Variants in GALNT2 observed in about 807,000 individuals in gnomAD.
GALNT2 encodes the protein UDP-GalNAc:polypeptide N-acetylgalactosaminyltransferase 2.
A neutral mutation model predicts 81.4 loss-of-function variants in GALNT2; 31 were observed. The ratio of observed to expected loss-of-function variants is 0.38; its 90% CI spans 0.29 to 0.51. The LOEUF (loss-of-function observed/expected upper bound fraction) is 0.51, where lower values mean the gene tolerates loss of function less well. GALNT2 is among the 20% of genes least tolerant of loss of function. The pLI is 0.87. For missense variants in GALNT2, 629 were observed against 765.7 expected, an observed-to-expected ratio of 0.82 and a Z score of 2.11; for synonymous variants, 303 against 287.4, an observed-to-expected ratio of 1.05 and a Z score of -0.55.
At chr1:230,106,308 A>C (rs1331542479) in intron 1 of GALNT2, among the ~76,000 whole-genome samples, 3 of 152,190 alleles carry the variant, frequency 2.0e-5, no homozygotes, top group Non-Finnish European at 4.4e-5. Flanking sequence ...AGAATCTGAG[A>C]AACGATACTG....
At chr1:230,128,822 A>T (rs948822262) in intron 1 of GALNT2, among the ~76,000 whole-genome samples, 4 of 152,152 alleles carry the variant, frequency 2.6e-5, no homozygotes, top group African/African-American at 9.6e-5. Flanking sequence ...CCATCTTCCT[A>T]TATGTGGGGT....
At chr1:230,134,474 T>A (rs1293071143) in intron 1 of GALNT2, among the ~76,000 whole-genome samples, 3 of 152,180 alleles carry the variant, frequency 2.0e-5, no homozygotes, top group Admixed American at 2.0e-4. Flanking sequence ...CCTAACCAGT[T>A]GTTCAGGTGA....
chr1:230,205,169 A>G (rs1664022259), intron 3 of GALNT2, among the ~76,000 whole-genome samples: 2 of 152,194 alleles, frequency 1.3e-5, no homozygotes, highest in Non-Finnish European at 2.9e-5. Flanking sequence ...CTACATTCAC[A>G]CACACTGCAT....
chr1:230,249,464 A>G (rs1474072419), intron 9 of GALNT2, among the ~76,000 whole-genome samples, 193 bp downstream of exon 9: 2 of 152,248 alleles, frequency 1.3e-5, no homozygotes, highest in Admixed American at 1.3e-4. Flanking sequence ...TTTCTTTTCC[A>G]CAGTTGAAGT....
At chr1:230,154,953 GC>G (rs1662201243) in intron 1 of GALNT2, among the ~76,000 whole-genome samples, 1 of 152,150 alleles carries the variant, frequency 6.6e-6, no homozygotes, top group South Asian at 2.1e-4. Flanking sequence ...GACATCCAAG[GC>G]CCCTTGCAGT....
chr1:230,232,584 GGTCTGCTC>G (rs1664898550), intron 3 of GALNT2, among the ~76,000 whole-genome samples: 1 of 152,124 alleles, frequency 6.6e-6, no homozygotes, highest in South Asian at 2.1e-4. Flanking sequence ...ATTCAACCTA[GGTCTGCTC>G]GTCTCAGCAA....
intron 2 of GALNT2, among the ~76,000 whole-genome samples, chr1:230,200,156 A>G (rs1467830311): frequency 1.4e-5 from 2 of 143,364 alleles, no homozygotes; most frequent in Non-Finnish European, 3.0e-5. Flanking sequence ...TCCGCCTCCC[A>G]GGTTCAAACG....
At chr1:230,183,409 C>A (rs759022208) in intron 2 of GALNT2, among the ~76,000 whole-genome samples, 3 of 151,988 alleles carry the variant, frequency 2.0e-5, no homozygotes, top group Non-Finnish European at 4.4e-5. Context: ...TCTGTATGAT[C>A]CCATTTTCTC....
Position 230,091,018 on chromosome 1 carries a change from A to T in GALNT2, c.126+23612A>T, listed in dbSNP as rs140758906. 2.4e-4 allele frequency among the ~76,000 whole-genome samples: 36 copies of T among 152,208 alleles called. No homozygotes were observed. The East Asian group carries it at 6.8e-3, about 29-fold the overall frequency. ...GATGAGAACTGTGCCTCGCTGAGAA[A>T]GCCAGCACTCCTGGGGTGTGTGTAC... On this transcript the variant is annotated intron_variant, in intron 1 of 15. Transcript: ENST00000366672.
chr1:230,156,483 A>C lies in GALNT2; in HGVS notation c.127-21735A>C, dbSNP rs550104008. On this transcript the variant is annotated intron_variant, in intron 1 of 15. Coordinates refer to ENST00000366672, the MANE Select transcript of GALNT2 (RefSeq NM_004481.5). Reference sequence around the variant, plus strand: ...AAGAGACTCCTTTTTGCGTTTCTTTACCTTCAACGTTCGTTTCCTAAAATT... The same window carrying C: ...AAGAGACTCCTTTTTGCGTTTCTTTCCCTTCAACGTTCGTTTCCTAAAATT... 6.6e-5 allele frequency among the ~76,000 whole-genome samples: 10 copies of C among 152,082 alleles called. No homozygotes were observed. The South Asian group carries it at 2.1e-3, about 32-fold the overall frequency.
intron 1 of GALNT2, among the ~76,000 whole-genome samples, chr1:230,153,654 A>G (rs1400288162): frequency 1.3e-5 from 2 of 152,210 alleles, no homozygotes; most frequent in Non-Finnish European, 2.9e-5. Context: ...CACGCCCCTG[A>G]GTTCTTTTCA....
intron 1 of GALNT2, among the ~76,000 whole-genome samples, chr1:230,139,849 AAAT>A (rs1661673000): frequency 6.6e-6 from 1 of 152,194 alleles, no homozygotes; most frequent in Non-Finnish European, 1.5e-5. Context: ...GCTGTTGCGG[AAAT>A]AATCTACTTG....
chr1:230,099,724 CT>C, intron 1 of GALNT2, among the ~76,000 whole-genome samples: 1 of 152,232 alleles, frequency 6.6e-6, no homozygotes, highest in African/African-American at 2.4e-5. Context: ...TAGTGGTGTG[CT>C]GCCCACCAGG....
rs1660795535 is a variant in GALNT2, at chr1:230,114,690, C to T, written c.126+47284C>T. 2.6e-5 allele frequency among the ~76,000 whole-genome samples: 4 copies of T among 152,170 alleles called. No individual in the cohort carries two copies. The South Asian group carries it at 8.3e-4, about 32-fold the overall frequency. On this transcript the variant is annotated intron_variant, in intron 1 of 15. Coordinates refer to ENST00000366672, the MANE Select transcript of GALNT2 (RefSeq NM_004481.5). The stretch of plus-strand genomic sequence containing the variant: ...GACCCAGTAAACGCACTCAGCTCAC[C>T]TTTTAGTCTGGTCCAGAACGCTGAA...
intron 1 of GALNT2, among the ~76,000 whole-genome samples, chr1:230,167,970 T>C (rs75647803): frequency 1.1e-4 from 16 of 139,380 alleles, no homozygotes; most frequent in Non-Finnish European, 3.1e-5. Context: ...TACCCCCCCC[T>C]TTTTTTTGTA....
At chr1:230,102,837 G>A (rs1660439595) in intron 1 of GALNT2, among the ~76,000 whole-genome samples, 1 of 152,232 alleles carries the variant, frequency 6.6e-6, no homozygotes, top group African/African-American at 2.4e-5. Context: ...AGTAGTTGTG[G>A]CAGGGCAAGG....
rs1450710883 is a variant in GALNT2 at position 230,257,362 on chromosome 1, G to A, written c.1136+2018G>A. On this transcript the variant is annotated intron_variant, in intron 11 of 15. Coordinates refer to ENST00000366672, the MANE Select transcript of GALNT2 (RefSeq NM_004481.5). This position sits in a 1 kb window ranked among gnomAD's most constrained non-coding sequence, Gnocchi z 4.6. ...TGTTGCAGTAGCCCAGGCCAGAGAT[G>A]TGATACAGTCATGCACCTGTAACAG... Among the ~76,000 whole-genome samples the A allele has an allele frequency of 3.3e-5, 5 of 152,222 alleles. No individual in the cohort carries two copies. Among genetic ancestry groups the A allele is most frequent in the Admixed American group, 3.3e-4 (5 of 15,288 alleles).
chr1:230,202,425 T>A (rs1391876598), intron 2 of GALNT2, among the ~76,000 whole-genome samples: 7 of 152,190 alleles, frequency 4.6e-5, no homozygotes, highest in Non-Finnish European at 8.8e-5. Flanking sequence ...TTGGAGAACC[T>A]TGTGCCTGGC....
intron 13 of GALNT2, 200 bp downstream of exon 13, chr1:230,263,205 CAG>C: frequency 1.7e-6 from 1 of 576,112 alleles, no homozygotes; most frequent in Non-Finnish European, 3.1e-6. Context: ...CTCTGTCCTG[CAG>C]AGCTGCCCTC....
Sources: gnomAD v4.1 joint callset for allele counts (sites outside exome capture counted in the v4.1 genomes callset) on GRCh38, gnomAD v4.1.1 for gene constraint, Gnocchi (gnomAD v3.1) non-coding constraint, MANE v1.5 for transcripts, NCBI Gene and HGNC (gene_info 2026-07-23, HGNC 2026-07-21) for gene names.